The following RBFOX1 variants were observed in gnomAD, a reference collection of about 807,000 sequenced individuals.
RBFOX1 encodes RNA binding fox-1 homolog 1.
A neutral mutation model predicts 57.7 loss-of-function variants in RBFOX1; 8 were observed. The observed-to-expected ratio is 0.14, with a 90% CI of 0.08 to 0.25. The LOEUF is 0.25. RBFOX1 is among the 10% of genes least tolerant of loss of function. The pLI, the probability that RBFOX1 is intolerant of heterozygous loss-of-function variation, is 1.00. For synonymous variants in RBFOX1, 326 were observed against 222.4 expected, an observed-to-expected ratio of 1.47 and a Z score of -4.15; for missense variants, 611 against 548.5, an observed-to-expected ratio of 1.11 and a Z score of -1.14.
chr16:7,246,265 C>T (rs111708464), intron 4 of RBFOX1, among the ~76,000 whole-genome samples: 1,627 of 152,198 alleles, frequency 0.011, 34 homozygotes, highest in African/African-American at 0.037. Flanking sequence ...CACCCTAATC[C>T]AATGCAATCC....
chr16:7,201,657 T>C (rs1020090136), intron 4 of RBFOX1, among the ~76,000 whole-genome samples: 8 of 152,012 alleles, frequency 5.3e-5, no homozygotes, highest in Non-Finnish European at 1.2e-4. Flanking sequence ...AGAGATATGG[T>C]TTCACCTTGT....
intron 3 of RBFOX1, among the ~76,000 whole-genome samples, chr16:6,812,972 A>C (rs1328053461): frequency 2.0e-5 from 3 of 152,112 alleles, no homozygotes; most frequent in African/African-American, 7.2e-5. Flanking sequence ...AAGATGTTTA[A>C]ATTCCCTACT....
intron 3 of RBFOX1, among the ~76,000 whole-genome samples, chr16:6,868,664 G>T (rs536008388): frequency 6.6e-6 from 1 of 152,174 alleles, no homozygotes; most frequent in South Asian, 2.1e-4. Flanking sequence ...TAGAGATAGG[G>T]TTTCACCATG....
chr16:6,453,155 C>T (rs538498294), intron 2 of RBFOX1, among the ~76,000 whole-genome samples: 2 of 151,950 alleles, frequency 1.3e-5, no homozygotes, highest in Admixed American at 6.5e-5. Context: ...GATACATGTA[C>T]AGAACGTGCA....
chr16:7,110,505 A>C (rs912159395), intron 4 of RBFOX1, among the ~76,000 whole-genome samples: 3 of 152,224 alleles, frequency 2.0e-5, no homozygotes, highest in African/African-American at 7.2e-5. Flanking sequence ...GCCTGAGCAC[A>C]GTAGTTGCAT....
chr16:6,061,989 C>G (rs886214389), intron 1 of RBFOX1, among the ~76,000 whole-genome samples: 1 of 152,138 alleles, frequency 6.6e-6, no homozygotes, highest in African/African-American at 2.4e-5. Flanking sequence ...ATTCCCATGT[C>G]CCTTCCCTGG....
chr16:5,621,856 G>A (rs1035127640), intron 3 of RBFOX1, among the ~76,000 whole-genome samples: 7 of 152,124 alleles, frequency 4.6e-5, no homozygotes, highest in African/African-American at 1.2e-4. Flanking sequence ...CCAAGCCTTC[G>A]TGTTTCAATG....
intron 3 of RBFOX1, among the ~76,000 whole-genome samples, chr16:5,714,567 A>C (rs2051617701): frequency 6.6e-6 from 1 of 152,162 alleles, no homozygotes; most frequent in Admixed American, 6.5e-5. Flanking sequence ...CTTACAATCG[A>C]ATGTCACTGA....
At chr16:7,441,364 G>A (rs1277991948) in intron 4 of RBFOX1, among the ~76,000 whole-genome samples, 2 of 152,158 alleles carry the variant, frequency 1.3e-5, no homozygotes, top group Non-Finnish European at 2.9e-5. Flanking sequence ...ACCTAATAAA[G>A]TTTATTTTCA....
At chr16:6,497,719 G>A (rs2095810900) in intron 2 of RBFOX1, among the ~76,000 whole-genome samples, 1 of 151,860 alleles carries the variant, frequency 6.6e-6, no homozygotes, top group Non-Finnish European at 1.5e-5. Flanking sequence ...ACCATGCCTG[G>A]CTAATTTTTG....
intron 3 of RBFOX1, among the ~76,000 whole-genome samples, chr16:6,971,361 T>C (rs1362054581): frequency 6.6e-5 from 10 of 152,146 alleles, no homozygotes; most frequent in Admixed American, 5.2e-4. Flanking sequence ...CAGGAACAGA[T>C]GACTCAGCCT....
At chr16:5,637,242 C>A (rs1014658744) in intron 3 of RBFOX1, among the ~76,000 whole-genome samples, 1 of 152,194 alleles carries the variant, frequency 6.6e-6, no homozygotes, top group African/African-American at 2.4e-5. Flanking sequence ...CAGCCTCCAA[C>A]AATTAGGCTT....
At chr16:7,671,617 G>A in intron 13 of RBFOX1, 1 of 1,603,370 alleles carries the variant, frequency 6.2e-7, no homozygotes. Flanking sequence ...ATCCCGACTG[G>A]TGGAGAAACT....
chr16:6,572,308 G>T (rs1228287365), intron 2 of RBFOX1, among the ~76,000 whole-genome samples: 3 of 152,154 alleles, frequency 2.0e-5, no homozygotes, highest in Non-Finnish European at 4.4e-5. Context: ...AGTTGTCTGA[G>T]ATCTAGTTAT....
chr16:7,660,970 T>C (rs1337493775), intron 12 of RBFOX1, among the ~76,000 whole-genome samples: 2 of 152,192 alleles, frequency 1.3e-5, no homozygotes, highest in African/African-American at 2.4e-5. Context: ...AATGATCATA[T>C]TGTCCATCTC....
At chr16:6,367,066 G>A (rs1184097966) in intron 2 of RBFOX1, among the ~76,000 whole-genome samples, 2 of 152,190 alleles carry the variant, frequency 1.3e-5, no homozygotes, top group Non-Finnish European at 2.9e-5. Flanking sequence ...TCCGCAGCTT[G>A]TAGCTCCTGC....
chr16:7,405,305 G>A (rs1040138117), intron 4 of RBFOX1, among the ~76,000 whole-genome samples: 2 of 152,198 alleles, frequency 1.3e-5, no homozygotes, highest in Admixed American at 6.5e-5. Context: ...TAGCCCCCCC[G>A]CTGCAAACCT....
chr16:7,170,685 C>T (rs1172566484), intron 4 of RBFOX1, among the ~76,000 whole-genome samples: 2 of 151,430 alleles, frequency 1.3e-5, no homozygotes, highest in Non-Finnish European at 2.9e-5. Context: ...GTTTTGTTTT[C>T]TTTGGGTTTG....
At chr16:6,414,762 G>T (rs375946542) in intron 2 of RBFOX1, among the ~76,000 whole-genome samples, 5 of 152,050 alleles carry the variant, frequency 3.3e-5, no homozygotes, top group Non-Finnish European at 5.9e-5. Flanking sequence ...CTTACCCAGG[G>T]TCAATTTTAC....
Sources: allele counts gnomAD v4.1 joint callset (sites outside exome capture counted in the v4.1 genomes callset), GRCh38; gene constraint gnomAD v4.1.1; transcripts MANE v1.5; gene names NCBI Gene and HGNC (gene_info 2026-07-23, HGNC 2026-07-21).